The following ELMOD1 variants were observed in gnomAD, a reference collection of about 807,000 sequenced individuals.
ELMOD1 encodes ELMO domain containing 1.
ELMOD1 carries 21 observed loss-of-function variants against 46.7 expected under a neutral mutation model. The ratio of observed to expected loss-of-function variants is 0.45; its 90% CI spans 0.32 to 0.65. The LOEUF is 0.65. ELMOD1 is among the 30% of genes least tolerant of loss of function. The probability of loss-of-function intolerance (pLI) is 0.04; values close to 1 mark genes in which losing one functional copy is unlikely to be tolerated. For synonymous variants in ELMOD1, 122 were observed against 138.2 expected, an observed-to-expected ratio of 0.88 and a Z score of 0.82; for missense variants, 348 against 407.8, an observed-to-expected ratio of 0.85 and a Z score of 1.26.
intron 1 of ELMOD1, among the ~76,000 whole-genome samples, chr11:107,604,526 C>T (rs539570793): frequency 1.3e-5 from 2 of 152,264 alleles, no homozygotes; most frequent in East Asian, 1.9e-4. Context: ...TGCTATGTTT[C>T]ATTGATTCTA....
chr11:107,649,978 A>C (rs1289417687), intron 7 of ELMOD1, among the ~76,000 whole-genome samples: 1 of 152,132 alleles, frequency 6.6e-6, no homozygotes, highest in Admixed American at 6.6e-5. Context: ...TCCCTCACCG[A>C]GGCTTCTGCC....
chr11:107,624,043 T>A (rs1480779251), intron 2 of ELMOD1, among the ~76,000 whole-genome samples: 1 of 152,052 alleles, frequency 6.6e-6, no homozygotes, highest in Non-Finnish European at 1.5e-5. Context: ...GTTGTTTAAA[T>A]TTTTTTTGAA....
At chr11:107,645,776 A>G (rs554226802) in intron 6 of ELMOD1, among the ~76,000 whole-genome samples, 31 of 152,334 alleles carry the variant, frequency 2.0e-4, no homozygotes, top group Non-Finnish European at 3.7e-4. Context: ...CTTTAGACAA[A>G]TGAAATTTAC....
rs1340788638 is a variant in ELMOD1 at position 107,631,641 on chromosome 11, T to C, written c.254T>C (p.Met85Thr). 2.6e-6 allele frequency: 4 copies of C among 1,559,964 alleles called. No individual in the cohort carries two copies. The highest frequency in any genetic ancestry group is 1.2e-5 in the South Asian group (1 of 84,046). The change falls in exon 5 of 12, where the codon ATG (methionine) becomes ACG (threonine). Residue 85 changes from methionine to threonine, a missense_variant. By Grantham distance (81) the Met-to-Thr change is moderately conservative. Transcript: ENST00000265840. ...ATTGAAAAAACTATAGAAGATATCA[T>C]GGAACTGAAAAAAATTAATCCTGAC... ...DAIEKTIEDI[M>T]ELKKINPDVN...
intron 1 of ELMOD1, among the ~76,000 whole-genome samples, chr11:107,605,915 G>A (rs1452016702): frequency 6.6e-6 from 1 of 152,218 alleles, no homozygotes; most frequent in Non-Finnish European, 1.5e-5. Context: ...TCATTTGTAT[G>A]TGATGGTAAT....
At chr11:107,606,779 G>A (rs573655767) in intron 1 of ELMOD1, among the ~76,000 whole-genome samples, 35 of 151,996 alleles carry the variant, frequency 2.3e-4, no homozygotes, top group Middle Eastern at 3.4e-3. Flanking sequence ...AGATTGCACC[G>A]CTGCACTCCA....
chr11:107,633,135 C>T (rs1293990564), intron 5 of ELMOD1, among the ~76,000 whole-genome samples: 1 of 152,102 alleles, frequency 6.6e-6, no homozygotes, highest in Non-Finnish European at 1.5e-5. Context: ...TGCAACTATT[C>T]CAAAATCTGA....
intron 6 of ELMOD1, among the ~76,000 whole-genome samples, chr11:107,640,928 A>G (rs900922944): frequency 6.6e-6 from 1 of 152,250 alleles, no homozygotes; most frequent in African/African-American, 2.4e-5. Flanking sequence ...ATGTGTGCAT[A>G]TAATTCAAAC....
chr11:107,608,087 C>G (rs1421760719), intron 1 of ELMOD1, among the ~76,000 whole-genome samples: 1 of 147,840 alleles, frequency 6.8e-6, no homozygotes, highest in East Asian at 2.0e-4. Flanking sequence ...TTATCTAAAT[C>G]TAGGAGAGTG....
intron 1 of ELMOD1, among the ~76,000 whole-genome samples, chr11:107,599,304 GA>G (rs768032066): frequency 1.3e-5 from 2 of 151,992 alleles, no homozygotes; most frequent in Non-Finnish European, 1.5e-5. Context: ...ATGAAATTAG[GA>G]AGCATTGTTA....
At chr11:107,643,622 G>A (rs996906017) in intron 6 of ELMOD1, 2 of 531,454 alleles carry the variant, frequency 3.8e-6, no homozygotes, top group Non-Finnish European at 7.7e-6. Flanking sequence ...ACGGCATTCA[G>A]TCTGAAGTTT....
chr11:107,605,582 A>G (rs770182999), intron 1 of ELMOD1, among the ~76,000 whole-genome samples: 1 of 152,240 alleles, frequency 6.6e-6, no homozygotes, highest in Non-Finnish European at 1.5e-5. Context: ...AGGCAACCGC[A>G]GTGAAATTCA....
intron 7 of ELMOD1, among the ~76,000 whole-genome samples, chr11:107,648,542 A>G (rs895666764): frequency 1.3e-5 from 2 of 152,212 alleles, no homozygotes; most frequent in African/African-American, 2.4e-5. Flanking sequence ...TCTTCCTTCT[A>G]TGATCTTTAC....
chr11:107,649,977 G>A (rs561772329), intron 7 of ELMOD1, among the ~76,000 whole-genome samples: 45 of 151,948 alleles, frequency 3.0e-4, no homozygotes, highest in African/African-American at 1.1e-3. Context: ...GTCCCTCACC[G>A]AGGCTTCTGC....
At chr11:107,644,356 TC>T (rs1300168441) in intron 6 of ELMOD1, among the ~76,000 whole-genome samples, 4 of 151,978 alleles carry the variant, frequency 2.6e-5, no homozygotes, top group Non-Finnish European at 5.9e-5. Flanking sequence ...TTAATAAGCA[TC>T]CCACGCTATA....
At chr11:107,637,972 A>G (rs1369461515) in intron 6 of ELMOD1, among the ~76,000 whole-genome samples, 1 of 152,164 alleles carries the variant, frequency 6.6e-6, no homozygotes, top group Non-Finnish European at 1.5e-5. Flanking sequence ...AAGCCCACGC[A>G]TCTTAGCATG....
intron 1 of ELMOD1, among the ~76,000 whole-genome samples, chr11:107,610,502 A>G (rs889699383): frequency 2.9e-4 from 44 of 151,918 alleles, no homozygotes; most frequent in African/African-American, 1.0e-3. Flanking sequence ...CGTCTGTACT[A>G]AAAATACAAA....
At chr11:107,611,323 A>G (rs1378968930) in intron 1 of ELMOD1, among the ~76,000 whole-genome samples, 1 of 152,186 alleles carries the variant, frequency 6.6e-6, no homozygotes, top group Non-Finnish European at 1.5e-5. Context: ...AATAGTCACA[A>G]ACTATGCATC....
At chr11:107,618,036 C>G in intron 1 of ELMOD1, 69 bp from the exon 2 acceptor site, 1 of 779,130 alleles carries the variant, frequency 1.3e-6, no homozygotes, top group African/African-American at 1.7e-5. Context: ...CCTCAGTAAG[C>G]AGAAATTTTT....
Sources: allele counts gnomAD v4.1 joint callset (sites outside exome capture counted in the v4.1 genomes callset), GRCh38; gene constraint gnomAD v4.1.1; transcripts MANE v1.5; gene names NCBI Gene and HGNC (gene_info 2026-07-23, HGNC 2026-07-21).